LHCGR: variants seen among roughly 807,000 people sequenced by gnomAD.
LHCGR encodes the protein luteinizing hormone/choriogonadotropin receptor, also known as lutropin-choriogonadotropic hormone receptor.
LHCGR carries 55 observed loss-of-function variants against 60.7 expected under a neutral mutation model. The observed-to-expected ratio is 0.91, with a 90% CI of 0.73 to 1.13. The LOEUF (loss-of-function observed/expected upper bound fraction) is 1.13, where lower values mean the gene tolerates loss of function less well. LHCGR is among the 50% of genes most tolerant of loss of function. The probability of loss-of-function intolerance (pLI) is 0.00; values close to 1 mark genes in which losing one functional copy is unlikely to be tolerated. For synonymous variants in LHCGR, 337 were observed against 316.5 expected, an observed-to-expected ratio of 1.06 and a Z score of -0.69; for missense variants, 862 against 836.0, an observed-to-expected ratio of 1.03 and a Z score of -0.38.
intron 7 of LHCGR, among the ~76,000 whole-genome samples, chr2:48,709,884 C>T (rs2104421630): frequency 6.6e-6 from 1 of 152,242 alleles, no homozygotes. Context: ...TCCCTGGGCT[C>T]AAGTCTGCCA....
chr2:48,738,248 A>C (rs867775872), intron 1 of LHCGR, among the ~76,000 whole-genome samples: 1 of 151,772 alleles, frequency 6.6e-6, no homozygotes, highest in South Asian at 2.1e-4. Flanking sequence ...CTTCAGTATT[A>C]TTTGAGAATT....
At chr2:48,699,251 C>G (rs1478367807) in intron 8 of LHCGR, among the ~76,000 whole-genome samples, 2 of 152,204 alleles carry the variant, frequency 1.3e-5, no homozygotes, top group Non-Finnish European at 2.9e-5. Flanking sequence ...TCACTAAGAT[C>G]TGAATTCAGA....
At chr2:48,717,254 G>T (rs1668289484) in intron 6 of LHCGR, among the ~76,000 whole-genome samples, 1 of 152,190 alleles carries the variant, frequency 6.6e-6, no homozygotes, top group Non-Finnish European at 1.5e-5. Flanking sequence ...ATCCTTGTTT[G>T]ATACATGTTA....
chr2:48,735,135 G>A (rs181153099), intron 1 of LHCGR, among the ~76,000 whole-genome samples: 22 of 152,294 alleles, frequency 1.4e-4, no homozygotes, highest in South Asian at 4.1e-4. Context: ...CAAAGTCTGC[G>A]TTAGCTTCAT....
Position 48,709,037 on chromosome 2 carries a change from A to G in LHCGR, c.606-15T>C. ...CCTTTAGCTCCCTGTGGGGAAGGAT[A>G]TTGCCCTTAGTGGAGTTTGTACCTC... is the stretch of plus-strand genomic sequence containing the variant. On this transcript the variant is annotated splice_polypyrimidine_tract_variant and intron_variant, in intron 7 of 10. Transcript: ENST00000294954. The G allele has an allele frequency of 6.2e-7, 1 of 1,607,592 alleles. No individual in the cohort carries two copies. The highest frequency in any genetic ancestry group is 8.5e-7 in the Non-Finnish European group (1 of 1,173,992).
Position 48,735,275 on chromosome 2 carries a change from G to A in LHCGR, c.162-3977C>T, listed in dbSNP as rs562111034. ...GAATTAAGTCATTCATCCTAGTACT[G>A]GGATCTTGTGATTGGTCATGACTCT... On this transcript the variant is annotated intron_variant, in intron 1 of 10. Coordinates refer to ENST00000294954, the MANE Select transcript of LHCGR (RefSeq NM_000233.4). Among the ~76,000 whole-genome samples the A allele has an allele frequency of 4.0e-4, 61 of 152,314 alleles. No homozygotes were observed. The South Asian group carries it at 0.011, about 27-fold the overall frequency.
At chr2:48,689,679 C>T (rs1178647026) in intron 10 of LHCGR, among the ~76,000 whole-genome samples, 1 of 152,148 alleles carries the variant, frequency 6.6e-6, no homozygotes, top group African/African-American at 2.4e-5. Flanking sequence ...TCCTTTCCAA[C>T]CCCACTGATA....
At chr2:48,724,169 C>A (rs1162596962) in intron 4 of LHCGR, among the ~76,000 whole-genome samples, 1 of 152,076 alleles carries the variant, frequency 6.6e-6, no homozygotes, top group Non-Finnish European at 1.5e-5. Context: ...AAAAATCTTC[C>A]CTTATTTAGC....
At chr2:48,712,131 T>C (rs1173996901) in intron 7 of LHCGR, among the ~76,000 whole-genome samples, 3 of 152,018 alleles carry the variant, frequency 2.0e-5, no homozygotes, top group East Asian at 3.9e-4. Flanking sequence ...AAAGCCCACC[T>C]TTCTCAGAGG....
intron 1 of LHCGR, among the ~76,000 whole-genome samples, chr2:48,745,019 T>G (rs1401668894): frequency 4.0e-5 from 6 of 151,140 alleles, no homozygotes; most frequent in Admixed American, 6.6e-5. Context: ...AACAACCCCA[T>G]CAAAAAGTGG....
chr2:48,696,657 G>C (rs942916072), intron 9 of LHCGR, among the ~76,000 whole-genome samples: 6 of 152,176 alleles, frequency 3.9e-5, no homozygotes, highest in African/African-American at 1.4e-4. Flanking sequence ...TGGGAAAAGA[G>C]AGCAGGCTGT....
In LHCGR at chr2:48,755,518, T is replaced by A. The variant is rs1385543959; in HGVS notation, c.154A>T (p.Thr52Ser). The A allele has an allele frequency of 1.3e-6, 2 of 1,540,470 alleles. No individual in the cohort carries two copies. Among genetic ancestry groups the A allele is most frequent in the African/African-American group, 1.4e-5 (1 of 72,792 alleles). ...LRCPGPTAGL[T>S]RLSLAYLPVK... is the part of the protein sequence containing the mutation. Reference sequence around the variant, plus strand: ...GGAGCGCTGTGTACTCACAGTCGAGTGAGACCGGCCGTGGGGCCGGGGCAG... The same window carrying A: ...GGAGCGCTGTGTACTCACAGTCGAGAGAGACCGGCCGTGGGGCCGGGGCAG... The change falls in exon 1 of 11, where the codon ACT becomes TCT. Residue 52 changes from threonine to serine, a missense_variant. Transcript: ENST00000294954.
chr2:48,707,879 G>A (rs555562368), intron 8 of LHCGR, among the ~76,000 whole-genome samples: 158 of 152,300 alleles, frequency 1.0e-3, no homozygotes, highest in Non-Finnish European at 1.8e-3. Flanking sequence ...AAGACCATGG[G>A]AAAAGCACAG....
chr2:48,714,013 G>A lies in LHCGR; in HGVS notation c.578C>T (p.Ala193Val). ...GNGFEEVQSH[A>V]FNGTTLTSLE... ...TGAAGTCAGTGTCGTCCCATTGAAT[G>A]CATGACTTTGTACTTCTTCAAATCC... The change falls in exon 7 of 11, where the codon GCA becomes GTA. Residue 193 changes from alanine to valine, a missense_variant. Transcript: ENST00000294954. 1 of 1,612,696 alleles carries A rather than the reference G, an allele frequency of 6.2e-7. No homozygotes were observed. Among genetic ancestry groups the A allele is most frequent in the Non-Finnish European group, 8.5e-7 (1 of 1,178,780 alleles).
intron 1 of LHCGR, chr2:48,733,107 T>A (rs781477702): frequency 4.9e-5 from 19 of 389,480 alleles, no homozygotes; most frequent in Non-Finnish European, 9.9e-5. Context: ...AAAGCTGTAT[T>A]CCACTGTACC....
chr2:48,730,061 GA>G (rs1283283161), intron 2 of LHCGR, among the ~76,000 whole-genome samples: 1 of 151,868 alleles, frequency 6.6e-6, no homozygotes, highest in Non-Finnish European at 1.5e-5. Flanking sequence ...CCTGCCAGTT[GA>G]AAAAAAAGTC....
At chr2:48,716,259 C>T (rs937660405) in intron 6 of LHCGR, among the ~76,000 whole-genome samples, 3 of 151,956 alleles carry the variant, frequency 2.0e-5, no homozygotes, top group Non-Finnish European at 2.9e-5. Flanking sequence ...ACAGGCCTTT[C>T]TCAAATAACT....
chr2:48,731,088 T>TTACAAA, intron 2 of LHCGR, 139 bp downstream of exon 2: 1 of 624,300 alleles, frequency 1.6e-6, no homozygotes, highest in Non-Finnish European at 2.8e-6. Flanking sequence ...ATTATTTGTA[T>TTACAAA]TACAAAGATA....
intron 4 of LHCGR, 53 bp downstream of exon 4, chr2:48,725,623 C>T: frequency 1.6e-6 from 2 of 1,227,950 alleles, no homozygotes; most frequent in Middle Eastern, 1.9e-4. Flanking sequence ...TTTTGATTTT[C>T]ATCAGATGCC....
Sources: gnomAD v4.1 joint callset for allele counts (sites outside exome capture counted in the v4.1 genomes callset) on GRCh38, gnomAD v4.1.1 for gene constraint, MANE v1.5 for transcripts, NCBI Gene and HGNC (gene_info 2026-07-23, HGNC 2026-07-21) for gene names.